PTPRD: variants seen among roughly 807,000 people sequenced by gnomAD.
PTPRD encodes receptor-type tyrosine-protein phosphatase delta.
In PTPRD, 34 loss-of-function variants were observed where a neutral mutation model predicts 214.5. That is an observed-to-expected ratio of 0.16 (90% CI 0.12 to 0.21). The LOEUF is 0.21. Ranked by LOEUF, PTPRD falls within the 10% of genes least tolerant of loss-of-function variation. The probability of loss-of-function intolerance (pLI) is 1.00; values close to 1 mark genes in which losing one functional copy is unlikely to be tolerated. For synonymous variants in PTPRD, 1,128 were observed against 845.7 expected (o/e 1.33, Z -5.79); for missense variants, 2,545 against 2,398.7 (o/e 1.06, Z -1.27).
intron 2 of PTPRD, among the ~76,000 whole-genome samples, chr9:10,398,373 A>T (rs1396549100): frequency 6.6e-6 from 1 of 151,428 alleles, no homozygotes; most frequent in Non-Finnish European, 1.5e-5. Flanking sequence ...AGATATGTCT[A>T]TATCTATATC....
intron 3 of PTPRD, among the ~76,000 whole-genome samples, chr9:10,112,104 C>A (rs975597521): frequency 6.6e-6 from 1 of 152,130 alleles, no homozygotes; most frequent in Non-Finnish European, 1.5e-5. Flanking sequence ...AAGAAGCATG[C>A]CAGATTTCCC....
intron 5 of PTPRD, among the ~76,000 whole-genome samples, chr9:9,815,981 C>A (rs1194413668): frequency 1.3e-5 from 2 of 152,040 alleles, no homozygotes; most frequent in Non-Finnish European, 2.9e-5. Flanking sequence ...AGATTTATTG[C>A]AAAGCGAAAG....
intron 3 of PTPRD, among the ~76,000 whole-genome samples, chr9:10,259,167 T>A (rs1485835146): frequency 6.6e-6 from 1 of 151,700 alleles, no homozygotes; most frequent in Non-Finnish European, 1.5e-5. Flanking sequence ...GGAATACAGG[T>A]GCCTGCCACC....
At chr9:9,190,100 T>C (rs1005811455) in intron 9 of PTPRD, among the ~76,000 whole-genome samples, 4 of 152,112 alleles carry the variant, frequency 2.6e-5, no homozygotes, top group Non-Finnish European at 4.4e-5. Context: ...TGTTGGAAAC[T>C]TAATCCCTAT....
intron 14 of PTPRD, among the ~76,000 whole-genome samples, chr9:8,529,721 G>A (rs543382074): frequency 8.5e-4 from 129 of 152,224 alleles, no homozygotes; most frequent in South Asian, 6.8e-3. Context: ...TTCTATCTAA[G>A]CATCGAAAGA....
intron 11 of PTPRD, among the ~76,000 whole-genome samples, chr9:8,884,643 T>G (rs896389461): frequency 3.3e-5 from 5 of 152,142 alleles, no homozygotes. Context: ...ATATAGCTAG[T>G]TGACTTCTGA....
chr9:8,952,919 T>C (rs2099110744), intron 11 of PTPRD, among the ~76,000 whole-genome samples: 1 of 151,296 alleles, frequency 6.6e-6, no homozygotes, highest in Admixed American at 6.7e-5. Context: ...AATTGATCTT[T>C]CACTGGCTTC....
At chr9:9,225,635 G>C (rs1035783383) in intron 9 of PTPRD, among the ~76,000 whole-genome samples, 2 of 151,992 alleles carry the variant, frequency 1.3e-5, no homozygotes, top group African/African-American at 4.8e-5. Context: ...AACTTACCTT[G>C]AGACATAATC....
intron 9 of PTPRD, among the ~76,000 whole-genome samples, chr9:9,278,178 CA>C (rs1378492247): frequency 6.6e-6 from 1 of 151,214 alleles, no homozygotes; most frequent in Non-Finnish European, 1.5e-5. Context: ...CTGAGGGCAA[CA>C]AATAAGAGAT....
At chr9:8,635,015 T>C (rs970292775) in intron 13 of PTPRD, among the ~76,000 whole-genome samples, 1 of 149,370 alleles carries the variant, frequency 6.7e-6, no homozygotes, top group Non-Finnish European at 1.5e-5. Flanking sequence ...TCAGGGACCA[T>C]ACAGACTAGT....
intron 2 of PTPRD, among the ~76,000 whole-genome samples, chr9:10,400,915 A>G (rs1158054659): frequency 2.0e-5 from 3 of 151,430 alleles, no homozygotes; most frequent in Non-Finnish European, 3.0e-5. Context: ...TATTCCTCCA[A>G]TTCCTTTCTT....
At chr9:9,072,972 G>A (rs1293738119) in intron 10 of PTPRD, among the ~76,000 whole-genome samples, 1 of 147,350 alleles carries the variant, frequency 6.8e-6, no homozygotes, top group Non-Finnish European at 1.5e-5. Context: ...CAGCATATTT[G>A]AGAGAGATTT....
At chr9:9,052,000 C>G (rs906606374) in intron 10 of PTPRD, among the ~76,000 whole-genome samples, 1 of 152,136 alleles carries the variant, frequency 6.6e-6, no homozygotes, top group African/African-American at 2.4e-5. Context: ...ATTGCTATAA[C>G]AAAAATACCA....
At chr9:8,829,044 A>C (rs754639855) in intron 11 of PTPRD, among the ~76,000 whole-genome samples, 6 of 152,222 alleles carry the variant, frequency 3.9e-5, no homozygotes, top group Non-Finnish European at 8.8e-5. Context: ...TACTGTTGAG[A>C]GCTTTCCAAA....
intron 14 of PTPRD, among the ~76,000 whole-genome samples, chr9:8,625,610 G>A (rs954537836): frequency 5.3e-5 from 8 of 151,358 alleles, no homozygotes; most frequent in Non-Finnish European, 1.0e-4. Context: ...GACATCATCA[G>A]ACATGTGAGA....
chr9:8,980,730 C>T lies in PTPRD; in HGVS notation c.-104+37967G>A, dbSNP rs2099308324. Among the ~76,000 whole-genome samples the T allele has an allele frequency of 2.6e-5, 4 of 152,146 alleles. No individual in the cohort carries two copies. The South Asian group carries it at 8.3e-4, about 32-fold the overall frequency. On this transcript the variant is annotated intron_variant, in intron 11 of 45. Transcript: ENST00000381196. ...CATAAATATATGTAGCCCCAAATCC[C>T]TACCTTGAATGATAGAGGCTAAACT...
At chr9:8,454,669 T>C in intron 33 of PTPRD, 6 of 1,513,646 alleles carry the variant, frequency 4.0e-6, no homozygotes, top group Non-Finnish European at 4.5e-6. Flanking sequence ...AGGATAACCA[T>C]GACAACCAAG....
intron 11 of PTPRD, among the ~76,000 whole-genome samples, chr9:8,989,102 TGTA>T (rs1219827337): frequency 1.3e-5 from 2 of 152,208 alleles, no homozygotes; most frequent in East Asian, 3.9e-4. Context: ...ATATGATAGT[TGTA>T]TATATTTTTG....
chr9:10,531,962 T>A (rs1214824303), intron 2 of PTPRD, among the ~76,000 whole-genome samples: 3 of 152,184 alleles, frequency 2.0e-5, no homozygotes, highest in South Asian at 4.1e-4. Context: ...CCTTATTTAA[T>A]AGTGGGAATA....
Sources: gnomAD v4.1 joint callset for allele counts (sites outside exome capture counted in the v4.1 genomes callset) on GRCh38, gnomAD v4.1.1 for gene constraint, MANE v1.5 for transcripts, NCBI Gene and HGNC (gene_info 2026-07-23, HGNC 2026-07-21) for gene names.